UGT1A10: variants seen among roughly 807,000 people sequenced by gnomAD.
The protein encoded by UGT1A10 is UDP glucuronosyltransferase family 1 member A10, also known as UDP-glucuronosyltransferase 1A10.
A neutral mutation model predicts 45.8 loss-of-function variants in UGT1A10; 49 were observed. The observed-to-expected ratio is 1.07, with a 90% CI of 0.85 to 1.36. The LOEUF (loss-of-function observed/expected upper bound fraction) is 1.36, where lower values mean the gene tolerates loss of function less well. UGT1A10 is among the 40% of genes most tolerant of loss of function. The probability of loss-of-function intolerance (pLI) is 0.00; values close to 1 mark genes in which losing one functional copy is unlikely to be tolerated. For synonymous variants in UGT1A10, 284 were observed against 249.7 expected (o/e 1.14, Z -1.29); for missense variants, 745 against 668.6 (o/e 1.11, Z -1.26).
chr2:233,680,514 T>C (rs934802603), intron 1 of UGT1A10, among the ~76,000 whole-genome samples: 3 of 152,190 alleles, frequency 2.0e-5, no homozygotes, highest in Admixed American at 2.0e-4. Flanking sequence ...ACAAGAATTA[T>C]GCCCTGAGGT....
intron 1 of UGT1A10, among the ~76,000 whole-genome samples, chr2:233,724,775 C>T (rs2077310067): frequency 7.0e-6 from 1 of 142,494 alleles, no homozygotes; most frequent in Non-Finnish European, 1.5e-5. Context: ...GGCAGAGACA[C>T]TCCTCACTTC....
intron 1 of UGT1A10, among the ~76,000 whole-genome samples, chr2:233,642,324 G>A (rs4663272): frequency 0.24 from 36,981 of 152,000 alleles, 4,956 homozygotes; most frequent in East Asian, 0.51. Context: ...TCATTATGCC[G>A]ATTGCATTTT....
At chr2:233,658,861 G>A (rs1213231318) in intron 1 of UGT1A10, among the ~76,000 whole-genome samples, 1 of 152,074 alleles carries the variant, frequency 6.6e-6, no homozygotes, top group Non-Finnish European at 1.5e-5. Context: ...TTATAGCTTT[G>A]TAATGTCTTG....
At chr2:233,757,306 AGGGG>A in intron 1 of UGT1A10, among the ~76,000 whole-genome samples, 1 of 7,688 alleles carries the variant, frequency 1.3e-4, no homozygotes. Flanking sequence ...GTTGGGGGAC[AGGGG>A]GGCTGGGGCC....
Position 233,768,249 on chromosome 2 carries a change from C to G in UGT1A10, c.1105C>G (p.His369Asp). 6.2e-7 allele frequency: 1 copy of G among 1,614,198 alleles called. No homozygotes were observed. Among genetic ancestry groups the G allele is most frequent in the East Asian group, 2.2e-5 (1 of 44,878 alleles). The change falls in exon 4 of 5, where the codon CAT becomes GAT. Residue 369 changes from histidine to aspartate, a missense_variant. Transcript: ENST00000344644. ...CCCGATGACCCGTGCCTTTATCACCCATGCTGGTTCCCATGGTGTTTATGA... is the reference window on the plus strand; with the variant it reads ...CCCGATGACCCGTGCCTTTATCACCGATGCTGGTTCCCATGGTGTTTATGA... ...GHPMTRAFITHAGSHGVYESI... is the reference protein window; with the variant it reads ...GHPMTRAFITDAGSHGVYESI...
intron 1 of UGT1A10, chr2:233,738,818 A>G (rs779696858): frequency 6.6e-6 from 1 of 152,242 alleles, no homozygotes; most frequent in Non-Finnish European, 1.5e-5. Flanking sequence ...AGAAATTTGA[A>G]TAAATAAGGA....
chr2:233,755,312 G>A (rs976147893), intron 1 of UGT1A10: 4 of 551,240 alleles, frequency 7.3e-6, no homozygotes, highest in South Asian at 3.7e-5. Flanking sequence ...CACAGCGAGC[G>A]GCAAGGCTGC....
chr2:233,638,850 C>G (rs192371081), intron 1 of UGT1A10, among the ~76,000 whole-genome samples: 44 of 152,262 alleles, frequency 2.9e-4, no homozygotes, highest in African/African-American at 1.0e-3. Context: ...AGTTGTAGGC[C>G]TTTCAAAATT....
At position 233,772,889 on chromosome 2, in the gene UGT1A10, T is replaced by C. The variant is rs1433214773; in HGVS notation, c.*330T>C. 3.8e-6 allele frequency: 2 copies of C among 531,532 alleles called. No homozygotes were observed. The highest frequency in any genetic ancestry group is 5.3e-5 in the East Asian group (1 of 18,828). 32.9% of individuals were successfully genotyped at this position (531,532 alleles called of 1,614,324 possible). On this transcript the variant is annotated 3_prime_UTR_variant, in exon 5 of 5. Transcript: ENST00000344644. Reference sequence around the variant, plus strand: ...TGTTTGGGAGTGCGGGATTCAAAGGTGGTCCCACGGCTGCCCCTACTGCAA... The same window carrying C: ...TGTTTGGGAGTGCGGGATTCAAAGGCGGTCCCACGGCTGCCCCTACTGCAA...
At chr2:233,710,187 G>A (rs760238092) in intron 1 of UGT1A10, among the ~76,000 whole-genome samples, 1 of 152,152 alleles carries the variant, frequency 6.6e-6, no homozygotes, top group Admixed American at 6.5e-5. Flanking sequence ...TGGACATGTG[G>A]ATAGTTTCCA....
At chr2:233,686,798 C>T (rs1158454360) in intron 1 of UGT1A10, among the ~76,000 whole-genome samples, 4 of 152,174 alleles carry the variant, frequency 2.6e-5, no homozygotes, top group Non-Finnish European at 1.5e-5. Context: ...TTCCACCTCC[C>T]CTGTTACTTT....
chr2:233,713,182 A>G (rs935339991), intron 1 of UGT1A10: 1 of 1,614,228 alleles, frequency 6.2e-7, no homozygotes, highest in Non-Finnish European at 8.5e-7. Context: ...CTCACCCTGG[A>G]GGTGAATATG....
intron 1 of UGT1A10, among the ~76,000 whole-genome samples, chr2:233,643,769 C>T (rs185829542): frequency 7.9e-5 from 12 of 152,212 alleles, no homozygotes; most frequent in South Asian, 2.1e-4. Flanking sequence ...AGGCGATGAA[C>T]GCTGGCAGGA....
intron 1 of UGT1A10, among the ~76,000 whole-genome samples, chr2:233,645,266 C>T (rs2073569827): frequency 6.6e-6 from 1 of 152,174 alleles, no homozygotes; most frequent in Non-Finnish European, 1.5e-5. Context: ...CACCAGGATC[C>T]TCCCACAACA....
Position 233,647,066 on chromosome 2 carries a change from C to T in UGT1A10, c.855+9689C>T, listed in dbSNP as rs539623098. Among the ~76,000 whole-genome samples the T allele has an allele frequency of 1.3e-4, 20 of 152,288 alleles. No homozygotes were observed. The South Asian group carries it at 1.4e-3, about 11-fold the overall frequency. On this transcript the variant is annotated intron_variant, in intron 1 of 4. Transcript: ENST00000344644. ...AAGTCACATCCTCCATGGATGGCAG[C>T]AGGCAAAGAAAGAGAGCTTGTGCAG...
chr2:233,751,035 T>C (rs1231285641), intron 1 of UGT1A10, among the ~76,000 whole-genome samples: 3 of 151,854 alleles, frequency 2.0e-5, no homozygotes, highest in African/African-American at 7.3e-5. Context: ...TAGCTTGCAC[T>C]GTGTGCCTGG....
At chr2:233,696,203 A>T (rs1245645591) in intron 1 of UGT1A10, among the ~76,000 whole-genome samples, 2 of 152,264 alleles carry the variant, frequency 1.3e-5, no homozygotes, top group African/African-American at 4.8e-5. Context: ...TCCCATGTTT[A>T]TTATAGCACT....
chr2:233,637,275 G>T lies in UGT1A10; in HGVS notation c.753G>T (p.Trp251Cys). Residue 251 changes from tryptophan to cysteine, a missense_variant, in exon 1 of 5, where the codon TGG becomes TGT. Coordinates refer to ENST00000344644, the MANE Select transcript of UGT1A10 (RefSeq NM_019075.4). ...ATCTCTACAGTCACACATCAATTTGGTTGTTGCGAACGGACTTTGTTTTGG... is the reference window on the plus strand; with the variant it reads ...ATCTCTACAGTCACACATCAATTTGTTTGTTGCGAACGGACTTTGTTTTGG... ...AYDLYSHTSI[W>C]LLRTDFVLDY... 1.2e-6 allele frequency: 2 copies of T among 1,613,904 alleles called. No homozygotes were observed. The highest frequency in any genetic ancestry group is 1.7e-6 in the Non-Finnish European group (2 of 1,179,860).
rs77053267 is a variant in UGT1A10, at chr2:233,743,791, C to T, written c.856-23243C>T. 1,068 of 1,367,342 alleles carry T rather than the reference C, an allele frequency of 7.8e-4. 34 individuals are homozygous for T. In the African/African-American group the frequency reaches 0.014, roughly 18 times the overall value. The allele number at this position is 1,367,342 out of a possible 1,614,324, so 84.7% of individuals were successfully genotyped here. On this transcript the variant is annotated intron_variant, in intron 1 of 4. Coordinates refer to ENST00000344644, the MANE Select transcript of UGT1A10 (RefSeq NM_019075.4). The stretch of plus-strand genomic sequence containing the variant: ...CGGCCACCTGCTTGAATCTCCTCTC[C>T]GCTTCCTCCTTGTTCTCAGGGTTTT...
Sources: gnomAD v4.1 joint callset for allele counts (sites outside exome capture counted in the v4.1 genomes callset) on GRCh38, gnomAD v4.1.1 for gene constraint, MANE v1.5 for transcripts, NCBI Gene and HGNC (gene_info 2026-07-23, HGNC 2026-07-21) for gene names.